The following NLGN1 variants were observed in gnomAD, a reference collection of about 807,000 sequenced individuals.
NLGN1 encodes neuroligin 1, also known as neuroligin-1.
A neutral mutation model predicts 65.5 loss-of-function variants in NLGN1; 12 were observed. The observed-to-expected ratio is 0.18, with a 90% confidence interval of 0.12 to 0.30. NLGN1 has a LOEUF of 0.30. NLGN1 is among the 10% of genes least tolerant of loss of function. NLGN1 has a pLI of 1.00. For synonymous variants in NLGN1, 350 were observed against 359.5 expected, an observed-to-expected ratio of 0.97 and a Z score of 0.30; for missense variants, 750 against 1,007.1, an observed-to-expected ratio of 0.74 and a Z score of 3.46.
At chr3:173,440,549 C>CA (rs1295261648) in intron 2 of NLGN1, among the ~76,000 whole-genome samples, 1 of 152,116 alleles carries the variant, frequency 6.6e-6, no homozygotes, top group Non-Finnish European at 1.5e-5. Flanking sequence ...GTTGTGTGAG[C>CA]AGGCATGAAA....
chr3:174,071,968 T>G (rs915791282), intron 4 of NLGN1, among the ~76,000 whole-genome samples: 11 of 152,124 alleles, frequency 7.2e-5, no homozygotes, highest in African/African-American at 2.4e-4. Flanking sequence ...TGAGAATGTC[T>G]TTAAAAAAGA....
chr3:173,432,504 T>C (rs1717371982), intron 1 of NLGN1, among the ~76,000 whole-genome samples: 1 of 152,228 alleles, frequency 6.6e-6, no homozygotes, highest in Admixed American at 6.5e-5. Context: ...TTTTCTGTGC[T>C]TATTTACATC....
At chr3:173,571,171 T>G (rs1281785905) in intron 2 of NLGN1, among the ~76,000 whole-genome samples, 1 of 152,238 alleles carries the variant, frequency 6.6e-6, no homozygotes, top group Non-Finnish European at 1.5e-5. Context: ...TTTTTATGGT[T>G]GGCAGACCTC....
intron 4 of NLGN1, among the ~76,000 whole-genome samples, chr3:173,924,304 G>A (rs1321428868): frequency 2.0e-5 from 3 of 152,108 alleles, no homozygotes; most frequent in African/African-American, 7.2e-5. Context: ...TTTAAGACCT[G>A]ATAAAGGTCT....
intron 2 of NLGN1, among the ~76,000 whole-genome samples, chr3:173,444,040 C>A (rs1311850078): frequency 1.3e-5 from 2 of 151,970 alleles, no homozygotes; most frequent in African/African-American, 4.8e-5. Context: ...ATAATTTTAA[C>A]TTGAAAAGAT....
At chr3:173,779,097 A>G (rs1442086902) in intron 3 of NLGN1, among the ~76,000 whole-genome samples, 2 of 151,726 alleles carry the variant, frequency 1.3e-5, no homozygotes, top group East Asian at 1.9e-4. Context: ...TGTATTTTAT[A>G]TACAAATCTG....
chr3:173,420,611 G>A (rs1389970270), intron 1 of NLGN1, among the ~76,000 whole-genome samples: 3 of 152,094 alleles, frequency 2.0e-5, no homozygotes, highest in African/African-American at 7.2e-5. Flanking sequence ...GGATGACTGG[G>A]TCAAATGGTA....
At chr3:173,794,064 G>A (rs1713430192) in intron 3 of NLGN1, among the ~76,000 whole-genome samples, 1 of 151,842 alleles carries the variant, frequency 6.6e-6, no homozygotes, top group South Asian at 2.1e-4. Flanking sequence ...CTTTCTATGT[G>A]CTATTTTCTT....
chr3:173,520,172 G>A (rs1577078586), intron 2 of NLGN1, among the ~76,000 whole-genome samples: 1 of 152,268 alleles, frequency 6.6e-6, no homozygotes, highest in East Asian at 1.9e-4. Context: ...ACAGAAGCAG[G>A]AGCTGCTATG....
At chr3:173,515,065 T>C (rs1359059419) in intron 2 of NLGN1, among the ~76,000 whole-genome samples, 1 of 152,222 alleles carries the variant, frequency 6.6e-6, no homozygotes, top group Non-Finnish European at 1.5e-5. Context: ...TTTTATTTTT[T>C]GAGGAACCTT....
chr3:173,843,007 T>G (rs1255526146), intron 4 of NLGN1, among the ~76,000 whole-genome samples: 1 of 152,214 alleles, frequency 6.6e-6, no homozygotes, highest in African/African-American at 2.4e-5. Flanking sequence ...TCCATACATC[T>G]TCTGAAATCT....
At chr3:173,677,725 A>C (rs963988522) in intron 3 of NLGN1, among the ~76,000 whole-genome samples, 1 of 152,126 alleles carries the variant, frequency 6.6e-6, no homozygotes, top group African/African-American at 2.4e-5. Context: ...ACTACCATAA[A>C]TAAACTGTCT....
intron 4 of NLGN1, among the ~76,000 whole-genome samples, chr3:173,979,967 A>G (rs1249517361): frequency 6.6e-6 from 1 of 152,086 alleles, no homozygotes; most frequent in Non-Finnish European, 1.5e-5. Context: ...CAGCTCCCAA[A>G]TGGTAACAGT....
intron 3 of NLGN1, among the ~76,000 whole-genome samples, chr3:173,613,451 G>T (rs1463656693): frequency 2.6e-5 from 4 of 151,996 alleles, no homozygotes; most frequent in Non-Finnish European, 5.9e-5. Flanking sequence ...GATAGGATAC[G>T]ATGCATTAGT....
At chr3:173,572,665 C>A (rs1744836455) in intron 2 of NLGN1, among the ~76,000 whole-genome samples, 1 of 152,174 alleles carries the variant, frequency 6.6e-6, no homozygotes, top group Non-Finnish European at 1.5e-5. Flanking sequence ...TGATTTCGAG[C>A]CAGTGCCCTT....
intron 4 of NLGN1, among the ~76,000 whole-genome samples, chr3:173,866,406 T>A (rs1203950633): frequency 6.6e-6 from 1 of 152,160 alleles, no homozygotes. Flanking sequence ...CCTGCGTTAT[T>A]TATTATTTAC....
chr3:174,179,825 T>C (rs920550073), intron 4 of NLGN1, among the ~76,000 whole-genome samples: 4 of 152,048 alleles, frequency 2.6e-5, no homozygotes, highest in Admixed American at 2.0e-4. Context: ...TTAAAATCCA[T>C]CTCTAAGAAG....
chr3:173,424,541 C>G (rs1443028680), intron 1 of NLGN1, among the ~76,000 whole-genome samples: 4 of 152,192 alleles, frequency 2.6e-5, no homozygotes, highest in Non-Finnish European at 1.5e-5. Context: ...CTCTCTTGAA[C>G]ACTGCTGCTT....
At chr3:173,878,785 C>T (rs1054044397) in intron 4 of NLGN1, among the ~76,000 whole-genome samples, 2 of 151,592 alleles carry the variant, frequency 1.3e-5, no homozygotes, top group Non-Finnish European at 2.9e-5. Flanking sequence ...GAGAAGAAAA[C>T]AATTATCCCT....
Sources: allele counts gnomAD v4.1 joint callset (sites outside exome capture counted in the v4.1 genomes callset), GRCh38; gene constraint gnomAD v4.1.1; transcripts MANE v1.5; gene names NCBI Gene and HGNC (gene_info 2026-07-23, HGNC 2026-07-21).